The following SSR2 variants were observed in gnomAD, a reference collection of about 807,000 sequenced individuals.
SSR2 encodes the protein signal sequence receptor subunit 2.
Under a neutral mutation model 22.6 loss-of-function variants are expected in SSR2, and 16 were observed. That is an observed-to-expected ratio of 0.71 (90% CI 0.48 to 1.08). The LOEUF (loss-of-function observed/expected upper bound fraction) is 1.08, where lower values mean the gene tolerates loss of function less well. Ranked by LOEUF, SSR2 falls within the 50% of genes least tolerant of loss-of-function variation. SSR2 has a pLI of 0.00. For missense variants in SSR2, 171 were observed against 221.6 expected, an observed-to-expected ratio of 0.77 and a Z score of 1.45; for synonymous variants, 83 against 91.2, an observed-to-expected ratio of 0.91 and a Z score of 0.51.
At chr1:156,019,749 C>G (rs1683119804) in intron 2 of SSR2, among the ~76,000 whole-genome samples, 1 of 152,130 alleles carries the variant, frequency 6.6e-6, no homozygotes, top group Non-Finnish European at 1.5e-5. Context: ...CTTTATCTTT[C>G]CCTCCTAGTT....
Position 156,014,957 on chromosome 1 carries a change from TCAC to T in SSR2, c.363+1_363+3del, listed in dbSNP as rs752328834. On this transcript the variant is annotated splice_donor_variant and splice_donor_region_variant and intron_variant, in intron 4 of 5. Transcript: ENST00000295702. LOFTEE classifies it high-confidence loss of function. ...CCATCCAGCTAAGGGTTTGGGCAAC[TCAC>T]CACAACGGGCCCATCCTCCTGGGCC... 20 of 1,612,224 alleles carry T rather than the reference TCAC, an allele frequency of 1.2e-5. No homozygotes were observed. The highest frequency in any genetic ancestry group is 9.3e-6 in the Non-Finnish European group (11 of 1,178,668).
intron 1 of SSR2, chr1:156,020,376 C>T: frequency 1.8e-6 from 1 of 542,074 alleles, no homozygotes; most frequent in South Asian, 2.0e-5. Flanking sequence ...GGTACAAGCA[C>T]CAATATATCT....
At chr1:156,017,906 T>A (rs1293330023) in intron 3 of SSR2, among the ~76,000 whole-genome samples, 13 of 151,374 alleles carry the variant, frequency 8.6e-5, no homozygotes, top group Non-Finnish European at 1.8e-4. Context: ...CGCGCCATCA[T>A]GCCCAGCTAA....
chr1:156,015,036 G>A lies in SSR2; in HGVS notation c.288C>T (p.Arg96=), dbSNP rs762603206. The A allele has an allele frequency of 2.5e-6, 4 of 1,613,924 alleles. No individual in the cohort carries two copies. The highest frequency in any genetic ancestry group is 2.2e-5 in the East Asian group (1 of 44,870). Reference sequence around the variant, plus strand: ...AGTTGAAATAACCAGCCTTGAGAGGGCGCAGGACCACAGTGTGGGAGACAT... The same window carrying A: ...AGTTGAAATAACCAGCCTTGAGAGGACGCAGGACCACAGTGTGGGAGACAT... ...ASNVSHTVVL[R]PLKAGYFNFT... Residue 96 remains arginine (R), a synonymous_variant, in exon 4 of 6, where the codon CGC becomes CGT. Coordinates refer to ENST00000295702, the MANE Select transcript of SSR2 (RefSeq NM_003145.4).
chr1:156,017,613 G>A (rs1336471660), intron 3 of SSR2, among the ~76,000 whole-genome samples: 1 of 151,686 alleles, frequency 6.6e-6, no homozygotes, highest in East Asian at 1.9e-4. Flanking sequence ...CTCCCAAAGT[G>A]CTGGGATTAC....
At chr1:156,010,386 TTAGAGA>T (rs1682963082) in intron 5 of SSR2, 3 of 152,006 alleles carry the variant, frequency 2.0e-5, no homozygotes, top group Admixed American at 1.3e-4. Context: ...TTTTATTTTT[TTAGAGA>T]TAGAGTCTCA....
rs1260787026 is a variant in SSR2, at chr1:156,020,154, G to A, written c.14C>T (p.Ser5Leu). 1.2e-6 allele frequency: 2 copies of A among 1,613,766 alleles called. No individual in the cohort carries two copies. The highest frequency in any genetic ancestry group is 1.3e-5 in the African/African-American group (1 of 74,884). ...AGCAAATAGAGCCAACACCACAAAT[G>A]ACAGCAGCCTCATCTTTAGAGAAAA... MRLL[S>L]FVVLALFAVT... Residue 5 changes from serine to leucine, a missense_variant, in exon 2 of 6, where the codon TCA becomes TTA. Transcript: ENST00000295702.
At chr1:156,016,150 C>T (rs556552594) in intron 3 of SSR2, among the ~76,000 whole-genome samples, 1 of 151,190 alleles carries the variant, frequency 6.6e-6, no homozygotes, top group Non-Finnish European at 1.5e-5. Context: ...GAAACTCCAT[C>T]TCAAAAAAAA....
chr1:156,010,990 C>T (rs1444727678), intron 5 of SSR2: 3 of 150,752 alleles, frequency 2.0e-5, no homozygotes, highest in Non-Finnish European at 4.4e-5. Flanking sequence ...TTTTTTTTGA[C>T]AGCGTTTCGC....
rs372623091 is a variant in SSR2, at chr1:156,017,584, G to A, written c.254+686C>T. ...AGGCTGGTCTCGAACTCCTGACCTC[G>A]TGATCCACCCACCTTGGCCTCCCAA... is the stretch of plus-strand genomic sequence containing the variant. On this transcript the variant is annotated intron_variant, in intron 3 of 5. Transcript: ENST00000295702. Among the ~76,000 whole-genome samples, 56 of 151,702 alleles carry A rather than the reference G, an allele frequency of 3.7e-4. 1 individual carries two copies. Among genetic ancestry groups the A allele is most frequent in the African/African-American group, 1.2e-3 (49 of 41,284 alleles).
At chr1:156,018,433 G>A (rs530073797) in intron 2 of SSR2, 65 bp from the exon 3 acceptor site, 64 of 1,381,134 alleles carry the variant, frequency 4.6e-5, no homozygotes, top group African/African-American at 3.3e-4. Flanking sequence ...CAGGCCGGGC[G>A]CCGTGGCTCA....
intron 3 of SSR2, among the ~76,000 whole-genome samples, chr1:156,015,526 A>AAT (rs1558077416): frequency 8.3e-6 from 1 of 121,028 alleles, no homozygotes; most frequent in African/African-American, 3.2e-5. Context: ...AAAAAAAAAA[A>AAT]AAAAAAAAAA....
intron 5 of SSR2, chr1:156,011,061 T>G (rs865944442): frequency 2.8e-4 from 42 of 152,188 alleles, no homozygotes; most frequent in African/African-American, 9.6e-4. Flanking sequence ...AACCTCCGCA[T>G]CCCGGGCTCA....
rs1683125781 is a variant in SSR2, at chr1:156,020,113, C to T, written c.55G>A (p.Glu19Lys). The T allele has an allele frequency of 6.2e-7, 1 of 1,614,050 alleles. No homozygotes were observed. The highest frequency in any genetic ancestry group is 1.3e-5 in the African/African-American group (1 of 74,910). The change falls in exon 2 of 6, where the codon GAA (glutamate) becomes AAA (lysine). Residue 19 changes from glutamate (E) to lysine (K), a missense_variant. Glu to Lys is a moderately conservative substitution (Grantham distance 56). Coordinates refer to ENST00000295702, the MANE Select transcript of SSR2 (RefSeq NM_003145.4). Reference sequence around the variant, plus strand: ...TTGGAAGCCAAAAGCCTGGCTCCTTCCTCTGCTTGAGTGACAGCAAATAGA... The same window carrying T: ...TTGGAAGCCAAAAGCCTGGCTCCTTTCTCTGCTTGAGTGACAGCAAATAGA... ...LALFAVTQAE[E>K]GARLLASKSL...
rs774785888 is a variant in SSR2 at position 156,009,586 on chromosome 1, T to G, written c.506A>C (p.Tyr169Ser). 1.2e-6 allele frequency: 2 copies of G among 1,613,082 alleles called. No homozygotes were observed. The highest frequency in any genetic ancestry group is 1.7e-5 in the Admixed American group (1 of 59,876). Reference sequence around the variant, plus strand: ...AGTGTCATATTTCCTCTTGCTGGAGTACCACAATAGCAGGGGGATGCCGAT... The same window carrying G: ...AGTGTCATATTTCCTCTTGCTGGAGGACCACAATAGCAGGGGGATGCCGAT... Reference protein sequence around the residue: ...PSIGIPLLLWYSSKRKYDTPK... With the variant: ...PSIGIPLLLWSSSKRKYDTPK... Residue 169 changes from tyrosine (Y) to serine (S), a missense_variant, in exon 6 of 6, where the codon TAC (tyrosine) becomes TCC (serine). Transcript: ENST00000295702.
chr1:156,020,306 C>T (rs912058598), intron 1 of SSR2, 139 bp from the exon 2 acceptor site: 2 of 805,200 alleles, frequency 2.5e-6, no homozygotes, highest in South Asian at 1.8e-5. Context: ...CATAAGCCAC[C>T]AGAGCAGACC....
intron 3 of SSR2, among the ~76,000 whole-genome samples, chr1:156,016,758 T>C (rs2102724161): frequency 6.6e-6 from 1 of 152,246 alleles, no homozygotes; most frequent in South Asian, 2.1e-4. Context: ...TGGGAGGGAA[T>C]TGGATCATGG....
chr1:156,017,749 T>TTTG (rs1558078142), intron 3 of SSR2, among the ~76,000 whole-genome samples: 1 of 118,688 alleles, frequency 8.4e-6, no homozygotes, highest in Non-Finnish European at 1.8e-5. Context: ...GTTTTTTTTT[T>TTTG]TTTTTTTTTT....
At chr1:156,017,438 C>A (rs1446124011) in intron 3 of SSR2, among the ~76,000 whole-genome samples, 1 of 152,132 alleles carries the variant, frequency 6.6e-6, no homozygotes, top group Non-Finnish European at 1.5e-5. Flanking sequence ...CAACCTGCAC[C>A]TCCCGGGTTC....
Sources: allele counts gnomAD v4.1 joint callset (sites outside exome capture counted in the v4.1 genomes callset), GRCh38; gene constraint gnomAD v4.1.1; transcripts MANE v1.5; gene names NCBI Gene and HGNC (gene_info 2026-07-23, HGNC 2026-07-21).